The following LRP2 variants were observed in gnomAD, a reference collection of about 807,000 sequenced individuals.
The protein encoded by LRP2 is LDL receptor related protein 2.
In LRP2, 172 loss-of-function variants were observed where a neutral mutation model predicts 531.0. The observed-to-expected ratio is 0.32, with a 90% CI of 0.29 to 0.37. The LOEUF (loss-of-function observed/expected upper bound fraction) is 0.37. Among genes scored for constraint, LRP2 ranks in the 10% least tolerant of loss-of-function variants. LRP2 has a pLI of 1.00. For synonymous variants in LRP2, 1,992 were observed against 2,027.6 expected (o/e 0.98, Z 0.47); for missense variants, 5,167 against 5,868.3 (o/e 0.88, Z 3.90).
Position 169,201,812 on chromosome 2 carries a change from G to A in LRP2, c.8268C>T (p.Tyr2756=), listed in dbSNP as rs1244857358. The change falls in exon 44 of 79, where the codon TAC becomes TAT. Residue 2756 remains tyrosine (Y), a synonymous_variant. Coordinates refer to ENST00000649046, the MANE Select transcript of LRP2 (RefSeq NM_004525.3). ...CATTGTAGTAATCACAGCGGTAAGA[G>A]TATTGGACACATCGCCCATTGGCAC... ...FTCANGRCVQ[Y]SYRCDYYNDC... is the part of the protein sequence containing the mutation. 1 of 1,614,210 alleles carries A rather than the reference G, an allele frequency of 6.2e-7. No homozygotes were observed. Among genetic ancestry groups the A allele is most frequent in the East Asian group, 2.2e-5 (1 of 44,878 alleles).
chr2:169,268,410 T>G (rs1683296726), intron 16 of LRP2, among the ~76,000 whole-genome samples: 1 of 152,154 alleles, frequency 6.6e-6, no homozygotes, highest in Non-Finnish European at 1.5e-5. Context: ...TTATCCACCA[T>G]GATCAAGTGG....
At chr2:169,288,497 C>A (rs1683915236) in intron 9 of LRP2, among the ~76,000 whole-genome samples, 1 of 152,166 alleles carries the variant, frequency 6.6e-6, no homozygotes. Flanking sequence ...GTAGCCAGCC[C>A]AGCAAAGGCA....
chr2:169,193,397 C>CT (rs953408758), intron 47 of LRP2, among the ~76,000 whole-genome samples: 3 of 146,264 alleles, frequency 2.1e-5, no homozygotes, highest in Non-Finnish European at 3.0e-5. Flanking sequence ...CGCCACTGCA[C>CT]TCCAGCCTGG....
At chr2:169,186,457 A>G (rs1290323867) in intron 49 of LRP2, among the ~76,000 whole-genome samples, 2 of 152,198 alleles carry the variant, frequency 1.3e-5, no homozygotes, top group African/African-American at 2.4e-5. Flanking sequence ...GCTCAACACT[A>G]GGTGCAACAC....
chr2:169,293,713 C>G (rs1684062259), intron 6 of LRP2, among the ~76,000 whole-genome samples: 1 of 152,110 alleles, frequency 6.6e-6, no homozygotes, highest in African/African-American at 2.4e-5. Context: ...TTTCCTGACC[C>G]TCCAACTTTA....
Position 169,201,766 on chromosome 2 carries a change from C to T in LRP2, c.8314G>A (p.Glu2772Lys). Residue 2772 changes from glutamate to lysine, a missense_variant, in exon 44 of 79, where the codon GAG becomes AAG. Physicochemically the swap from Glu to Lys is moderately conservative, Grantham distance 56. Transcript: ENST00000649046. ...YYNDCGDGSDEAGCLFRDCNA... is the reference protein window; with the variant it reads ...YYNDCGDGSDKAGCLFRDCNA... ...CAGTCCCTGAACAGGCACCCTGCCT[C>T]ATCACTGCCATCACCACAGTCATTG... 6.2e-7 allele frequency: 1 copy of T among 1,614,202 alleles called. No individual in the cohort carries two copies. Among genetic ancestry groups the T allele is most frequent in the Non-Finnish European group, 8.5e-7 (1 of 1,180,044 alleles).
intron 34 of LRP2, among the ~76,000 whole-genome samples, chr2:169,217,255 A>G (rs1341559074): frequency 6.6e-6 from 1 of 151,876 alleles, no homozygotes; most frequent in African/African-American, 2.4e-5. Context: ...AAGTCCTTAA[A>G]CCCCTTCATT....
At chr2:169,202,449 G>A (rs2284675) in intron 43 of LRP2, among the ~76,000 whole-genome samples, 49,509 of 151,892 alleles carry the variant, frequency 0.33, 8,633 homozygotes, top group East Asian at 0.55. Context: ...CTTACTCCTC[G>A]CAAGAACCCT....
At chr2:169,153,109 C>T (rs759067636) in intron 66 of LRP2, 145 bp from the exon 67 acceptor site, 3 of 786,758 alleles carry the variant, frequency 3.8e-6, no homozygotes, top group Non-Finnish European at 6.7e-6. Context: ...AATTCAATGA[C>T]ATCAGTATAA....
rs200085652 is a variant in LRP2, at chr2:169,193,936, A to C, written c.8699-44T>G. ...TTCTCAGTGAAAAAAAGTGGTTTAC[A>C]GTCCAGGAATCTGGAGACAAGCTGG... On this transcript the variant is annotated intron_variant, in intron 46 of 78. Transcript: ENST00000649046. The C allele has an allele frequency of 2.4e-4, 383 of 1,613,396 alleles. 3 individuals carry two copies. Among genetic ancestry groups the C allele is most frequent in the South Asian group, 1.4e-3 (129 of 91,046 alleles).
intron 1 of LRP2, among the ~76,000 whole-genome samples, chr2:169,340,579 A>T (rs1259730235): frequency 6.6e-6 from 1 of 152,130 alleles, no homozygotes; most frequent in African/African-American, 2.4e-5. Context: ...TCCTTCTGCA[A>T]TCCCACTACC....
chr2:169,144,468 G>A (rs1030742695), intron 70 of LRP2, among the ~76,000 whole-genome samples: 8 of 150,320 alleles, frequency 5.3e-5, no homozygotes, highest in Middle Eastern at 6.9e-3. Flanking sequence ...TTTTCCTTCA[G>A]GGGCAGCCTC....
chr2:169,289,393 T>A (rs970433168), intron 8 of LRP2, among the ~76,000 whole-genome samples: 1 of 151,808 alleles, frequency 6.6e-6, no homozygotes. Flanking sequence ...TCACAAAAAA[T>A]TAAAAATAAA....
chr2:169,180,768 G>C (rs1328107152), intron 52 of LRP2, among the ~76,000 whole-genome samples: 1 of 152,204 alleles, frequency 6.6e-6, no homozygotes, highest in Non-Finnish European at 1.5e-5. Flanking sequence ...ATCCATAAAT[G>C]CTTATGCAGA....
At chr2:169,211,871 C>T in intron 37 of LRP2, 97 bp downstream of exon 37, 1 of 1,469,768 alleles carries the variant, frequency 6.8e-7, no homozygotes. Flanking sequence ...CTTCATTATG[C>T]ACTGAATCCA....
At chr2:169,357,266 CTT>C (rs60783368) in intron 1 of LRP2, among the ~76,000 whole-genome samples, 24 of 143,394 alleles carry the variant, frequency 1.7e-4, no homozygotes, top group African/African-American at 3.6e-4. Flanking sequence ...ACTTTCTTTT[CTT>C]TTTTTTTTCT....
At chr2:169,292,417 A>T in intron 6 of LRP2, 48 bp from the exon 7 acceptor site, 1 of 1,202,370 alleles carries the variant, frequency 8.3e-7, no homozygotes, top group Non-Finnish European at 1.2e-6. Flanking sequence ...TCACCGGGAA[A>T]AACTGAAAGT....
Position 169,294,590 on chromosome 2 carries a change from C to A in LRP2, c.538+10G>T, listed in dbSNP as rs1347347199. On this transcript the variant is annotated intron_variant, in intron 5 of 78. Coordinates refer to ENST00000649046, the MANE Select transcript of LRP2 (RefSeq NM_004525.3). ...AGCACACAACTGCACATCTTGTGCACAATACTTACTGCAGTTGATTTCATC... is the reference window on the plus strand; with the variant it reads ...AGCACACAACTGCACATCTTGTGCAAAATACTTACTGCAGTTGATTTCATC... The A allele has an allele frequency of 1.3e-6, 2 of 1,585,790 alleles. No homozygotes were observed.
chr2:169,321,032 T>C (rs1339326663), intron 1 of LRP2, 148 bp from the exon 2 acceptor site: 3 of 663,656 alleles, frequency 4.5e-6, no homozygotes, highest in Admixed American at 4.8e-5. Context: ...ATTCTCCCAA[T>C]GATAATATAA....
Sources: gnomAD v4.1 joint callset for allele counts (sites outside exome capture counted in the v4.1 genomes callset) on GRCh38, gnomAD v4.1.1 for gene constraint, MANE v1.5 for transcripts, NCBI Gene and HGNC (gene_info 2026-07-23, HGNC 2026-07-21) for gene names.